The following GPHN variants were observed in gnomAD, a reference collection of about 807,000 sequenced individuals.
GPHN encodes the protein gephyrin.
In GPHN, 17 loss-of-function variants were observed where a neutral mutation model predicts 95.5. That is an observed-to-expected ratio of 0.18 (90% CI 0.12 to 0.27). The LOEUF (loss-of-function observed/expected upper bound fraction) is 0.27. Among genes scored for constraint, GPHN ranks in the 10% least tolerant of loss-of-function variants. GPHN has a pLI of 1.00. For synonymous variants in GPHN, 320 were observed against 322.5 expected (o/e 0.99, Z 0.08); for missense variants, 660 against 978.1 (o/e 0.67, Z 4.34).
chr14:66,809,263 A>C (rs1255941400), intron 3 of GPHN, among the ~76,000 whole-genome samples: 1 of 152,170 alleles, frequency 6.6e-6, no homozygotes, highest in East Asian at 1.9e-4. Context: ...AGGAATGGAA[A>C]GTACTGGGGG....
the GPHN span, chr14:67,335,380 C>G: frequency 1.1e-4 from 17 of 152,288 alleles, no homozygotes; most frequent in East Asian, 3.1e-3. Flanking sequence ...ACTGGAGACC[C>G]CAGTGTGGGG....
At chr14:66,856,481 GAAGA>G (rs2153518711) in intron 4 of GPHN, among the ~76,000 whole-genome samples, 1 of 152,204 alleles carries the variant, frequency 6.6e-6, no homozygotes, top group South Asian at 2.1e-4. Context: ...CAGAGAGAAG[GAAGA>G]GTGAGATAGT....
chr14:66,593,179 A>G (rs2061830664), intron 1 of GPHN, among the ~76,000 whole-genome samples: 1 of 152,136 alleles, frequency 6.6e-6, no homozygotes, highest in African/African-American at 2.4e-5. Context: ...GGATAGCATT[A>G]GGAGAAATAC....
chr14:67,086,694 A>T (rs982559127), intron 11 of GPHN, among the ~76,000 whole-genome samples: 3 of 149,282 alleles, frequency 2.0e-5, no homozygotes, highest in Non-Finnish European at 4.4e-5. Flanking sequence ...TTTCCATCTT[A>T]CTTTAGCCAC....
At position 66,642,991 on chromosome 14, in the gene GPHN, T is replaced by G. The variant is rs1411840310; in HGVS notation, c.65-38116T>G. Among the ~76,000 whole-genome samples, 3 of 152,006 alleles carry G rather than the reference T, an allele frequency of 2.0e-5. No homozygotes were observed. In the South Asian group the frequency reaches 6.2e-4, roughly 32 times the overall value. On this transcript the variant is annotated intron_variant, in intron 1 of 22. Coordinates refer to ENST00000478722, the MANE Select transcript of GPHN (RefSeq NM_020806.5). ...TTGGATCACATTAAAAATAAGAACT[T>G]TAGAAATCTAAAAACTGAAAGGTAA...
At chr14:67,623,063 C>CT in the GPHN span, among the ~76,000 whole-genome samples, 2 of 152,240 alleles carry the variant, frequency 1.3e-5, no homozygotes, top group East Asian at 1.9e-4. Flanking sequence ...TTCCCTTTGA[C>CT]TTTTTTTCTC....
intron 11 of GPHN, among the ~76,000 whole-genome samples, chr14:67,086,269 G>C (rs979662729): frequency 2.6e-5 from 4 of 152,158 alleles, no homozygotes; most frequent in Non-Finnish European, 5.9e-5. Context: ...TTTTTAACTT[G>C]CAACTTTTTA....
At chr14:67,453,804 G>GTT in the GPHN span, among the ~76,000 whole-genome samples, 2 of 152,332 alleles carry the variant, frequency 1.3e-5, no homozygotes, top group South Asian at 4.1e-4. Flanking sequence ...GAGCTCAGCC[G>GTT]TGAGTGTCAG....
chr14:67,264,467 T>C, the GPHN span, among the ~76,000 whole-genome samples: 8 of 152,200 alleles, frequency 5.3e-5, no homozygotes, highest in African/African-American at 1.7e-4. Flanking sequence ...TTGTGTTATT[T>C]TTTCATGTGT....
chr14:67,079,169 C>T (rs1005284965), intron 11 of GPHN, among the ~76,000 whole-genome samples: 2 of 151,904 alleles, frequency 1.3e-5, no homozygotes, highest in African/African-American at 4.8e-5. Flanking sequence ...AAATATGCTT[C>T]TTTAAAACAA....
the GPHN span, among the ~76,000 whole-genome samples, chr14:67,422,826 C>CTTTT: frequency 5.2e-5 from 6 of 115,844 alleles, no homozygotes; most frequent in African/African-American, 1.4e-4. Flanking sequence ...CTTTCCCCAT[C>CTTTT]TTTTTTTTTT....
At chr14:67,580,512 A>G in the GPHN span, among the ~76,000 whole-genome samples, 1 of 152,222 alleles carries the variant, frequency 6.6e-6, no homozygotes, top group South Asian at 2.1e-4. Flanking sequence ...GTCTTTTAAC[A>G]TTGCCTGGAA....
chr14:67,700,128 GAA>G, the GPHN span, among the ~76,000 whole-genome samples: 1 of 141,964 alleles, frequency 7.0e-6, no homozygotes. Context: ...GACAGAGCGA[GAA>G]AAAAAAAAAG....
At chr14:67,117,756 A>G (rs376079913) in intron 16 of GPHN, among the ~76,000 whole-genome samples, 7 of 152,346 alleles carry the variant, frequency 4.6e-5, no homozygotes, top group South Asian at 2.1e-4. Context: ...AATTCTGGAA[A>G]CCTTATAACA....
At chr14:66,797,835 G>T (rs28828116) in intron 3 of GPHN, among the ~76,000 whole-genome samples, 42,520 of 151,270 alleles carry the variant, frequency 0.28, 11,554 homozygotes, top group African/African-American at 0.69. Flanking sequence ...TGTCTGACTG[G>T]TCTATCTAGA....
At chr14:67,670,149 C>CA in the GPHN span, among the ~76,000 whole-genome samples, 280 of 152,298 alleles carry the variant, frequency 1.8e-3, 1 homozygote, top group Non-Finnish European at 1.7e-3. Flanking sequence ...GCTCTTAACA[C>CA]AGTCCCCTGT....
chr14:67,061,128 A>G (rs1281947528), intron 11 of GPHN, among the ~76,000 whole-genome samples: 1 of 151,796 alleles, frequency 6.6e-6, no homozygotes, highest in Non-Finnish European at 1.5e-5. Flanking sequence ...GGCAACCTCC[A>G]CTTCCCAGGT....
chr14:66,565,089 T>G (rs1222010002), intron 1 of GPHN, among the ~76,000 whole-genome samples: 1 of 152,180 alleles, frequency 6.6e-6, no homozygotes, highest in Non-Finnish European at 1.5e-5. Flanking sequence ...TTTTGTTGCT[T>G]AGAGGACATG....
the GPHN span, among the ~76,000 whole-genome samples, chr14:67,453,013 G>A: frequency 6.6e-6 from 1 of 152,286 alleles, no homozygotes; most frequent in East Asian, 1.9e-4. Context: ...GTCTCCCTTG[G>A]TCAAGCCTGT....
Sources: gnomAD v4.1 joint callset for allele counts (sites outside exome capture counted in the v4.1 genomes callset) on GRCh38, gnomAD v4.1.1 for gene constraint, MANE v1.5 for transcripts, NCBI Gene and HGNC (gene_info 2026-07-23, HGNC 2026-07-21) for gene names.